METTL25: variants seen among roughly 807,000 people sequenced by gnomAD.
METTL25 encodes the protein probable methyltransferase-like protein 25.
A neutral mutation model predicts 71.6 loss-of-function variants in METTL25; 64 were observed. The ratio of observed to expected loss-of-function variants is 0.89; its 90% CI spans 0.73 to 1.10. The LOEUF (loss-of-function observed/expected upper bound fraction) is 1.10, where lower values mean the gene tolerates loss of function less well. METTL25 is among the 50% of genes least tolerant of loss of function. METTL25 has a pLI of 0.00. For missense variants in METTL25, 807 were observed against 707.0 expected, an observed-to-expected ratio of 1.14 and a Z score of -1.60; for synonymous variants, 287 against 250.3, an observed-to-expected ratio of 1.15 and a Z score of -1.38.
At chr12:82,392,322 T>C (rs796766583) in intron 3 of METTL25, among the ~76,000 whole-genome samples, 5 of 148,800 alleles carry the variant, frequency 3.4e-5, no homozygotes, top group African/African-American at 9.8e-5. Flanking sequence ...TTTCTCATTG[T>C]TCAGTTCCCA....
At chr12:82,474,177 T>G (rs1446751153) in intron 9 of METTL25, among the ~76,000 whole-genome samples, 1 of 152,186 alleles carries the variant, frequency 6.6e-6, no homozygotes, top group Non-Finnish European at 1.5e-5. Context: ...GTGTTTGTGG[T>G]AGCAATGGGG....
At chr12:82,446,494 C>G (rs751286864) in intron 8 of METTL25, among the ~76,000 whole-genome samples, 3 of 63,834 alleles carry the variant, frequency 4.7e-5, no homozygotes, top group Non-Finnish European at 7.0e-5. Flanking sequence ...TGGAATAAAC[C>G]TAGAAATCAA....
intron 1 of METTL25, chr12:82,369,370 T>C (rs1208172722): frequency 5.2e-6 from 2 of 388,058 alleles, no homozygotes; most frequent in East Asian, 1.7e-4. Context: ...GTGTCCGGAA[T>C]TGTTTGTTCC....
At chr12:82,425,432 G>T (rs760158104) in intron 5 of METTL25, among the ~76,000 whole-genome samples, 1 of 152,064 alleles carries the variant, frequency 6.6e-6, no homozygotes, top group Non-Finnish European at 1.5e-5. Flanking sequence ...TGATGAGTCA[G>T]CAAGGGAGTA....
At chr12:82,371,488 C>T (rs1883226719) in intron 1 of METTL25, among the ~76,000 whole-genome samples, 1 of 152,174 alleles carries the variant, frequency 6.6e-6, no homozygotes, top group African/African-American at 2.4e-5. Flanking sequence ...GGTGATTGGC[C>T]TGCTCCATTT....
intron 5 of METTL25, among the ~76,000 whole-genome samples, chr12:82,416,108 A>G (rs1887962253): frequency 6.6e-6 from 1 of 152,120 alleles, no homozygotes. Context: ...CTCAGTCCAT[A>G]TTTATGGAAT....
At chr12:82,466,972 G>A (rs1468766547) in intron 9 of METTL25, among the ~76,000 whole-genome samples, 1 of 151,574 alleles carries the variant, frequency 6.6e-6, no homozygotes, top group African/African-American at 2.4e-5. Flanking sequence ...AAAGTCTGGA[G>A]AGCCATGGCA....
At chr12:82,388,297 C>A (rs73151450) in intron 2 of METTL25, among the ~76,000 whole-genome samples, 9,406 of 151,980 alleles carry the variant, frequency 0.062, 343 homozygotes, top group Middle Eastern at 0.12. Context: ...GAGTCCAATT[C>A]TTTTATTATT....
intron 1 of METTL25, among the ~76,000 whole-genome samples, chr12:82,378,405 G>T (rs1162198987): frequency 6.6e-6 from 1 of 152,260 alleles, no homozygotes; most frequent in African/African-American, 2.4e-5. Flanking sequence ...TGGAGATAGG[G>T]TAGGAGCTAG....
intron 5 of METTL25, among the ~76,000 whole-genome samples, chr12:82,425,180 G>A (rs1432397076): frequency 6.6e-6 from 1 of 151,952 alleles, no homozygotes; most frequent in Admixed American, 6.6e-5. Context: ...ACTAATTTTG[G>A]GCAACTTGGG....
intron 1 of METTL25, among the ~76,000 whole-genome samples, chr12:82,383,160 A>T (rs1363459328): frequency 6.6e-6 from 1 of 151,992 alleles, no homozygotes; most frequent in African/African-American, 2.4e-5. Flanking sequence ...TGATTCTGAG[A>T]GTCAGGTCTC....
intron 1 of METTL25, among the ~76,000 whole-genome samples, chr12:82,383,912 A>G (rs1364149863): frequency 6.6e-6 from 1 of 152,148 alleles, no homozygotes; most frequent in African/African-American, 2.4e-5. Flanking sequence ...TTTGTAGAAA[A>G]TAATCTCTCC....
At chr12:82,449,229 A>G (rs1311677069) in intron 8 of METTL25, among the ~76,000 whole-genome samples, 1 of 152,118 alleles carries the variant, frequency 6.6e-6, no homozygotes, top group African/African-American at 2.4e-5. Context: ...ACTTCTCATC[A>G]TTTGTCTTTC....
Position 82,438,276 on chromosome 12 carries a change from C to A in METTL25, c.1405-442C>A, listed in dbSNP as rs186704277. The stretch of plus-strand genomic sequence containing the variant: ...ATTTCTTTACTTAGGGTAGTTATTT[C>A]TTTCTTGTTGTGACTCCTAGCTGTT... On this transcript the variant is annotated intron_variant, in intron 7 of 11. Coordinates refer to ENST00000248306, the MANE Select transcript of METTL25 (RefSeq NM_032230.3). Among the ~76,000 whole-genome samples the A allele has an allele frequency of 1.7e-4, 26 of 151,704 alleles. No homozygotes were observed. In the East Asian group the frequency reaches 2.3e-3, roughly 14 times the overall value.
chr12:82,391,304 A>G (rs1296440741), intron 3 of METTL25, among the ~76,000 whole-genome samples: 1 of 152,114 alleles, frequency 6.6e-6, no homozygotes, highest in East Asian at 1.9e-4. Flanking sequence ...TGGCCAAAAC[A>G]TAATGTGTAC....
At chr12:82,416,634 T>C (rs1888011082) in intron 5 of METTL25, among the ~76,000 whole-genome samples, 1 of 151,852 alleles carries the variant, frequency 6.6e-6, no homozygotes, top group Non-Finnish European at 1.5e-5. Context: ...TTGTTTTGTT[T>C]TGTTTTGTTT....
rs1892893719 is a variant in METTL25, at chr12:82,476,582, G to A, written c.1573-62G>A. The A allele has an allele frequency of 9.0e-6, 10 of 1,108,022 alleles. No homozygotes were observed. In the East Asian group the frequency reaches 2.4e-4, roughly 26 times the overall value. 68.6% of individuals were successfully genotyped at this position (1,108,022 alleles called of 1,614,324 possible). On this transcript the variant is annotated intron_variant, in intron 9 of 11. Coordinates refer to ENST00000248306, the MANE Select transcript of METTL25 (RefSeq NM_032230.3). ...TCATGTTTATTTTACTTTAGGATAT[G>A]TTTGACAAGGAAAAATATTTTTAAA...
chr12:82,456,823 C>T lies in METTL25; in HGVS notation c.1572+3C>T, dbSNP rs1332794227. On this transcript the variant is annotated splice_donor_region_variant and intron_variant, in intron 9 of 11. Transcript: ENST00000248306. Reference sequence around the variant, plus strand: ...AGCTTGGATTAGATGAGTCCAAGGTCAGTATATGATGACTCATTATTTTCA... The same window carrying T: ...AGCTTGGATTAGATGAGTCCAAGGTTAGTATATGATGACTCATTATTTTCA... 6.8e-7 allele frequency: 1 copy of T among 1,461,814 alleles called. No homozygotes were observed. Among genetic ancestry groups the T allele is most frequent in the African/African-American group, 1.4e-5 (1 of 70,488 alleles). The allele number at this position is 1,461,814 out of a possible 1,614,324, so 90.6% of individuals were successfully genotyped here.
At chr12:82,406,485 T>C (rs1203872004) in intron 5 of METTL25, among the ~76,000 whole-genome samples, 1 of 152,154 alleles carries the variant, frequency 6.6e-6, no homozygotes, top group African/African-American at 2.4e-5. Flanking sequence ...TCTTTCTGTA[T>C]CAGCACAGAG....
Sources: allele counts gnomAD v4.1 joint callset (sites outside exome capture counted in the v4.1 genomes callset), GRCh38; gene constraint gnomAD v4.1.1; transcripts MANE v1.5; gene names NCBI Gene and HGNC (gene_info 2026-07-23, HGNC 2026-07-21).